PAPPA2: variants seen among roughly 807,000 people sequenced by gnomAD.
The protein encoded by PAPPA2 is pappalysin-2.
A neutral mutation model predicts 176.4 loss-of-function variants in PAPPA2; 86 were observed. The observed-to-expected ratio is 0.49, with a 90% CI of 0.41 to 0.58. The LOEUF is 0.58. Among genes scored for constraint, PAPPA2 ranks in the 20% least tolerant of loss-of-function variants. The probability of loss-of-function intolerance (pLI) is 0.00; values close to 1 mark genes in which losing one functional copy is unlikely to be tolerated. For missense variants in PAPPA2, 2,073 were observed against 2,256.9 expected (o/e 0.92, Z 1.65); for synonymous variants, 809 against 852.2 (o/e 0.95, Z 0.88).
chr1:176,702,488 T>C (rs1213501166), intron 8 of PAPPA2, 119 bp from the exon 9 acceptor site: 3 of 1,405,474 alleles, frequency 2.1e-6, no homozygotes, highest in Middle Eastern at 2.5e-4. Context: ...ATGCAGCGTA[T>C]GTTTAACCTT....
In PAPPA2 at chr1:176,534,555, A is replaced by G. The variant is rs1189737332; in HGVS notation, c.-916-20852A>G. ...TGAACACATTTGAAGATATTTGATAACAGATAGAATAGGCTCACAACTAGG... is the reference window on the plus strand; with the variant it reads ...TGAACACATTTGAAGATATTTGATAGCAGATAGAATAGGCTCACAACTAGG... On this transcript the variant is annotated intron_variant, in intron 1 of 22. Transcript: ENST00000367662. Among the ~76,000 whole-genome samples the G allele has an allele frequency of 3.9e-5, 6 of 152,240 alleles. No homozygotes were observed. The South Asian group carries it at 8.3e-4, about 21-fold the overall frequency.
chr1:176,815,243 A>T (rs1448225158), intron 21 of PAPPA2, among the ~76,000 whole-genome samples: 1 of 152,186 alleles, frequency 6.6e-6, no homozygotes, highest in Non-Finnish European at 1.5e-5. Context: ...AATGAAAATA[A>T]TGCACACTTC....
chr1:176,597,354 ATTG>A (rs1244657441), intron 3 of PAPPA2, among the ~76,000 whole-genome samples: 1 of 152,262 alleles, frequency 6.6e-6, no homozygotes, highest in East Asian at 1.9e-4. Context: ...AAGCACACAA[ATTG>A]TTGTAAAATA....
intron 21 of PAPPA2, among the ~76,000 whole-genome samples, chr1:176,815,520 A>G (rs1301861100): frequency 6.6e-6 from 1 of 152,160 alleles, no homozygotes; most frequent in African/African-American, 2.4e-5. Context: ...ATATATACAC[A>G]TAAACATGCA....
At chr1:176,731,698 CATATATGTGTAT>C (rs1662158102) in intron 12 of PAPPA2, among the ~76,000 whole-genome samples, 1 of 151,352 alleles carries the variant, frequency 6.6e-6, no homozygotes, top group Non-Finnish European at 1.5e-5. Context: ...TATATGTGTA[CATATATGTGTAT>C]ATATACACAC....
chr1:176,640,651 C>T (rs1211280618), intron 3 of PAPPA2, among the ~76,000 whole-genome samples: 13 of 151,956 alleles, frequency 8.6e-5, no homozygotes, highest in Admixed American at 7.2e-4. Flanking sequence ...AATAAATATA[C>T]GTGTGCATGT....
intron 21 of PAPPA2, among the ~76,000 whole-genome samples, chr1:176,827,252 C>T (rs1666895562): frequency 6.6e-6 from 1 of 152,284 alleles, no homozygotes; most frequent in Admixed American, 6.5e-5. Flanking sequence ...CTTCAAAACA[C>T]AGCTTTTATC....
chr1:176,515,529 C>CAAACCT (rs996783467), intron 1 of PAPPA2, among the ~76,000 whole-genome samples: 21 of 152,268 alleles, frequency 1.4e-4, no homozygotes, highest in Admixed American at 1.2e-3. Context: ...GGCTTCCTGC[C>CAAACCT]AAACCTAAAC....
chr1:176,556,430 G>A lies in PAPPA2; in HGVS notation c.108G>A (p.Glu36=), dbSNP rs1382951337. ...GGACACGCAAGAAATCCTTGGTTGA[G>A]AGGGAACACCTGAATCAGGTGCTGT... ...LGWTRKKSLV[E]REHLNQVLLE... The change falls in exon 2 of 23, where the codon GAG becomes GAA. Residue 36 remains glutamate (E), a synonymous_variant. Transcript: ENST00000367662. The A allele has an allele frequency of 1.2e-6, 2 of 1,614,254 alleles. No individual in the cohort carries two copies. Among genetic ancestry groups the A allele is most frequent in the East Asian group, 2.2e-5 (1 of 44,882 alleles).
intron 3 of PAPPA2, among the ~76,000 whole-genome samples, chr1:176,656,162 T>A (rs1170506786): frequency 6.6e-6 from 1 of 151,910 alleles, no homozygotes; most frequent in Non-Finnish European, 1.5e-5. Flanking sequence ...TATTGTCAAG[T>A]GCTTATTCAA....
chr1:176,607,391 C>T (rs137958022), intron 3 of PAPPA2, among the ~76,000 whole-genome samples: 2 of 152,332 alleles, frequency 1.3e-5, no homozygotes, highest in African/African-American at 4.8e-5. Context: ...CCTCTAGTAT[C>T]TATCATTCTA....
chr1:176,714,886 A>G (rs1171687156), intron 12 of PAPPA2, among the ~76,000 whole-genome samples: 2 of 152,186 alleles, frequency 1.3e-5, no homozygotes, highest in African/African-American at 4.8e-5. Flanking sequence ...GTAAAACTTT[A>G]TAATAAATAT....
intron 14 of PAPPA2, among the ~76,000 whole-genome samples, chr1:176,753,591 G>C (rs978895669): frequency 1.5e-5 from 2 of 132,350 alleles, no homozygotes; most frequent in Non-Finnish European, 3.2e-5. Context: ...GGCTTAGGGA[G>C]TGCATTTTAA....
At chr1:176,503,763 G>T (rs1313606448) in intron 1 of PAPPA2, among the ~76,000 whole-genome samples, 1 of 152,144 alleles carries the variant, frequency 6.6e-6, no homozygotes, top group Non-Finnish European at 1.5e-5. Flanking sequence ...TTGCCATTCT[G>T]GAAAGTCAAG....
chr1:176,474,106 A>G (rs1456529251), intron 1 of PAPPA2, among the ~76,000 whole-genome samples: 2 of 152,214 alleles, frequency 1.3e-5, no homozygotes, highest in African/African-American at 2.4e-5. Context: ...GTTTTAGTTC[A>G]TTCTTTTAAA....
chr1:176,815,293 A>G (rs1003549443), intron 21 of PAPPA2, among the ~76,000 whole-genome samples: 4 of 152,040 alleles, frequency 2.6e-5, no homozygotes, highest in African/African-American at 9.7e-5. Flanking sequence ...CTCCACCCTT[A>G]TATTTATTTG....
intron 14 of PAPPA2, among the ~76,000 whole-genome samples, chr1:176,741,739 G>A (rs1408176704): frequency 6.6e-6 from 1 of 152,134 alleles, no homozygotes; most frequent in Non-Finnish European, 1.5e-5. Context: ...ATGTCATAAG[G>A]TTAACTAGTT....
At chr1:176,623,804 T>TTTCTTTCTTTCC in intron 3 of PAPPA2, among the ~76,000 whole-genome samples, 2 of 109,904 alleles carry the variant, frequency 1.8e-5, no homozygotes, top group East Asian at 4.9e-4. Flanking sequence ...TCTTTCTTTC[T>TTTCTTTCTTTCC]TTCTTCTTTC....
intron 3 of PAPPA2, among the ~76,000 whole-genome samples, chr1:176,607,633 T>C (rs897526363): frequency 6.6e-6 from 1 of 152,202 alleles, no homozygotes; most frequent in Admixed American, 6.5e-5. Context: ...TGACTGGACT[T>C]TCTATTAAAT....
Sources: gnomAD v4.1 joint callset for allele counts (sites outside exome capture counted in the v4.1 genomes callset) on GRCh38, gnomAD v4.1.1 for gene constraint, MANE v1.5 for transcripts, NCBI Gene and HGNC (gene_info 2026-07-23, HGNC 2026-07-21) for gene names.